Variants in GOLGB1 observed in about 807,000 individuals in gnomAD.
GOLGB1 encodes golgin B1.
A neutral mutation model predicts 336.9 loss-of-function variants in GOLGB1; 174 were observed. The observed-to-expected ratio is 0.52, with a 90% CI of 0.46 to 0.59. The LOEUF (loss-of-function observed/expected upper bound fraction) is 0.59, where lower values mean the gene tolerates loss of function less well. GOLGB1 is among the 20% of genes least tolerant of loss of function. GOLGB1 has a pLI of 0.00. For synonymous variants in GOLGB1, 1,208 were observed against 1,289.2 expected, an observed-to-expected ratio of 0.94 and a Z score of 1.35; for missense variants, 3,331 against 3,645.3, an observed-to-expected ratio of 0.91 and a Z score of 2.22.
At chr3:121,748,970 ACTCT>A in intron 1 of GOLGB1, 3 of 975,006 alleles carry the variant, frequency 3.1e-6, no homozygotes, top group Non-Finnish European at 3.7e-6. Flanking sequence ...TTCCTCGAGA[ACTCT>A]CTTAGAGGTT....
intron 10 of GOLGB1, among the ~76,000 whole-genome samples, chr3:121,713,099 T>G (rs1001720194): frequency 6.6e-6 from 1 of 151,856 alleles, no homozygotes; most frequent in East Asian, 1.9e-4. Flanking sequence ...GAGGTCGAGG[T>G]TGCAGTGAGC....
intron 9 of GOLGB1, among the ~76,000 whole-genome samples, chr3:121,716,398 C>T (rs1944777888): frequency 6.6e-6 from 1 of 152,112 alleles, no homozygotes; most frequent in African/African-American, 2.4e-5. Flanking sequence ...ACCTATGCAC[C>T]TAGATCTGGC....
At chr3:121,664,729 T>C (rs368288715) in intron 21 of GOLGB1, 115 bp from the exon 22 acceptor site, 9 of 1,038,934 alleles carry the variant, frequency 8.7e-6, no homozygotes, top group African/African-American at 7.9e-5. Context: ...AAAGGGGTAT[T>C]CTGAGAGGAA....
At chr3:121,713,906 T>C (rs1944545498) in intron 10 of GOLGB1, among the ~76,000 whole-genome samples, 1 of 152,198 alleles carries the variant, frequency 6.6e-6, no homozygotes, top group Admixed American at 6.5e-5. Context: ...TAAGATGAAC[T>C]GATGGATGGG....
Position 121,717,056 on chromosome 3 carries a change from C to G in GOLGB1, c.969G>C (p.Lys323Asn). Residue 323 changes from lysine to asparagine, a missense_variant, in exon 9 of 22, where the codon AAG (lysine) becomes AAC (asparagine). Coordinates refer to ENST00000614479, the MANE Select transcript of GOLGB1 (RefSeq NM_001366282.2). ...CAAGTTCCATCTTTTCCAGTAGAAT[C>G]TTGGACTCCTCTCTTTCTGTTTCCA... ...NTVETEREES[K>N]ILLEKMELEV... is the part of the protein sequence containing the mutation. The G allele has an allele frequency of 6.2e-7, 1 of 1,613,102 alleles. No homozygotes were observed. The highest frequency in any genetic ancestry group is 8.5e-7 in the Non-Finnish European group (1 of 1,179,050).
At position 121,696,214 on chromosome 3, in the gene GOLGB1, G is replaced by C. The variant is rs749590848; in HGVS notation, c.4309C>G (p.Gln1437Glu). 3 of 1,613,834 alleles carry C rather than the reference G, an allele frequency of 1.9e-6. No individual in the cohort carries two copies. In the South Asian group the frequency reaches 3.3e-5, roughly 18 times the overall value. Residue 1437 changes from glutamine to glutamate, a missense_variant, in exon 13 of 22, where the codon CAA becomes GAA. Physicochemically the swap from Gln to Glu is conservative, Grantham distance 29. Transcript: ENST00000614479. ...TGCAGAGCCTTAATTAAATCTTCTT[G>C]TTCTATTATCTCTGTCTGTATTTTA... Reference protein sequence around the residue: ...LTKIQTEIIEQEDLIKALHTQ... With the variant: ...LTKIQTEIIEEEDLIKALHTQ...
chr3:121,728,758 T>C (rs1945856608), intron 4 of GOLGB1, among the ~76,000 whole-genome samples: 1 of 152,212 alleles, frequency 6.6e-6, no homozygotes, highest in Non-Finnish European at 1.5e-5. Context: ...TCCACCACTA[T>C]GTGACTATAT....
chr3:121,689,621 T>C (rs989138380), intron 14 of GOLGB1, among the ~76,000 whole-genome samples: 1 of 144,178 alleles, frequency 6.9e-6, no homozygotes, highest in African/African-American at 2.6e-5. Flanking sequence ...AATCCCCCTC[T>C]GTGAGAAACA....
Position 121,694,230 on chromosome 3 carries a change from C to G in GOLGB1, c.6293G>C (p.Arg2098Thr), listed in dbSNP as rs1166428630. Residue 2098 changes from arginine (R) to threonine (T), a missense_variant, in exon 13 of 22, where the codon AGG becomes ACG. Arg to Thr is a moderately conservative substitution (Grantham distance 71). Transcript: ENST00000614479. ...CAACTTGAGATTGTCTGCTAGGACC[C>G]TTGCTGCTTCACTTTGAGTGTCATC... ...LLDDTQSEAA[R>T]VLADNLKLKK... The G allele has an allele frequency of 6.2e-7, 1 of 1,611,144 alleles. No homozygotes were observed. Among genetic ancestry groups the G allele is most frequent in the African/African-American group, 1.3e-5 (1 of 75,020 alleles).
At chr3:121,673,092 C>T (rs563900079) in intron 17 of GOLGB1, among the ~76,000 whole-genome samples, 4 of 146,318 alleles carry the variant, frequency 2.7e-5, no homozygotes, top group Admixed American at 6.8e-5. Flanking sequence ...TTTTTTGAGA[C>T]GGAGTCTCGC....
chr3:121,683,589 A>G (rs1028806152), intron 14 of GOLGB1, among the ~76,000 whole-genome samples: 1 of 152,152 alleles, frequency 6.6e-6, no homozygotes, highest in Non-Finnish European at 1.5e-5. Context: ...CCTCCCCTTA[A>G]ACATGAAGAG....
chr3:121,726,989 TTA>T lies in GOLGB1; in HGVS notation c.453_454del (p.His151GlnfsTer49). The T allele has an allele frequency of 6.2e-7, 1 of 1,601,688 alleles. No homozygotes were observed. Among genetic ancestry groups the T allele is most frequent in the Non-Finnish European group, 8.5e-7 (1 of 1,170,846 alleles). On this transcript the variant is annotated frameshift_variant, in exon 5 of 22. Coordinates refer to ENST00000614479, the MANE Select transcript of GOLGB1 (RefSeq NM_001366282.2). LOFTEE classifies it high-confidence loss of function. ...GATTAGTTCCTCCTTCTCCTGGAGC[TTA>T]TGTTTTATCTTTTCTATTTCCATCT...
chr3:121,692,076 T>C lies in GOLGB1; in HGVS notation c.7288A>G (p.Ile2430Val). 1.2e-6 allele frequency: 2 copies of C among 1,613,528 alleles called. No individual in the cohort carries two copies. The highest frequency in any genetic ancestry group is 8.5e-7 in the Non-Finnish European group (1 of 1,179,784). Residue 2430 changes from isoleucine to valine, a missense_variant, in exon 14 of 22, where the codon ATT becomes GTT. Ile to Val is a conservative substitution (Grantham distance 29). Transcript: ENST00000614479. ...TTTTTGTTCTCCTCTTCTAAAACAA[T>C]ATTCTCCTCTTCCTCCTGGGACAGC... ...NLLSQEEEEN[I>V]VLEEENKKAV... is the part of the protein sequence containing the mutation.
chr3:121,673,699 CTATCT>C (rs1939907953), intron 17 of GOLGB1, among the ~76,000 whole-genome samples: 2 of 151,320 alleles, frequency 1.3e-5, no homozygotes, highest in African/African-American at 2.4e-5. Context: ...ATCTATCTAT[CTATCT>C]ATCTATCTAT....
chr3:121,744,710 T>G (rs1334450558), intron 1 of GOLGB1, among the ~76,000 whole-genome samples: 1 of 151,922 alleles, frequency 6.6e-6, no homozygotes, highest in East Asian at 1.9e-4. Flanking sequence ...CATAACCATT[T>G]AAAAATATGT....
chr3:121,733,526 T>A (rs1576464930), intron 1 of GOLGB1, among the ~76,000 whole-genome samples: 1 of 152,288 alleles, frequency 6.6e-6, no homozygotes, highest in Admixed American at 6.5e-5. Context: ...TTGAACTCTA[T>A]AATGTTAAAG....
intron 20 of GOLGB1, among the ~76,000 whole-genome samples, chr3:121,666,958 C>T (rs1938711628): frequency 6.6e-6 from 1 of 152,160 alleles, no homozygotes; most frequent in Non-Finnish European, 1.5e-5. Context: ...TTGGCAAGAG[C>T]AGGATTTTCT....
At chr3:121,720,766 C>A (rs1345166203) in intron 6 of GOLGB1, among the ~76,000 whole-genome samples, 1 of 152,158 alleles carries the variant, frequency 6.6e-6, no homozygotes, top group African/African-American at 2.4e-5. Flanking sequence ...TCTTTTCCTT[C>A]TCTGCAGTTT....
In GOLGB1 at chr3:121,694,711, G is replaced by T. The variant is rs761252898; in HGVS notation, c.5812C>A (p.Leu1938Ile). The change falls in exon 13 of 22, where the codon CTT (leucine) becomes ATT (isoleucine). Residue 1938 changes from leucine to isoleucine, a missense_variant. Transcript: ENST00000614479. ...CAGTAATTCCCAATGCTTCCATTAAGTTCTGCTAATTGATTCATAAGCCTC... is the reference window on the plus strand; with the variant it reads ...CAGTAATTCCCAATGCTTCCATTAATTTCTGCTAATTGATTCATAAGCCTC... ...EERLMNQLAELNGSIGNYCQD... is the reference protein window; with the variant it reads ...EERLMNQLAEINGSIGNYCQD... 1 of 1,611,974 alleles carries T rather than the reference G, an allele frequency of 6.2e-7. No homozygotes were observed. The highest frequency in any genetic ancestry group is 2.2e-5 in the East Asian group (1 of 44,870).
Sources: allele counts gnomAD v4.1 joint callset (sites outside exome capture counted in the v4.1 genomes callset), GRCh38; gene constraint gnomAD v4.1.1; transcripts MANE v1.5; gene names NCBI Gene and HGNC (gene_info 2026-07-23, HGNC 2026-07-21).